ARHGAP20: variants seen among roughly 807,000 people sequenced by gnomAD.
The protein encoded by ARHGAP20 is rho GTPase-activating protein 20.
A neutral mutation model predicts 73.7 loss-of-function variants in ARHGAP20; 34 were observed. The ratio of observed to expected loss-of-function variants is 0.46; its 90% CI spans 0.35 to 0.61. ARHGAP20 has a LOEUF of 0.61. Ranked by LOEUF, ARHGAP20 falls within the 20% of genes least tolerant of loss-of-function variation. ARHGAP20 has a pLI of 0.00. For missense variants in ARHGAP20, 1,314 were observed against 1,420.9 expected, an observed-to-expected ratio of 0.92 and a Z score of 1.21; for synonymous variants, 523 against 518.2, an observed-to-expected ratio of 1.01 and a Z score of -0.13.
intron 12 of ARHGAP20, among the ~76,000 whole-genome samples, chr11:110,585,925 A>T (rs1161620181): frequency 6.6e-6 from 1 of 152,172 alleles, no homozygotes; most frequent in Non-Finnish European, 1.5e-5. Flanking sequence ...TTGTCTGGTT[A>T]AATATTTACA....
At chr11:110,708,215 CCATT>C (rs1950584399) in intron 1 of ARHGAP20, among the ~76,000 whole-genome samples, 2 of 152,028 alleles carry the variant, frequency 1.3e-5, no homozygotes. Flanking sequence ...CACTTTACAT[CCATT>C]AAGATGACTG....
intron 1 of ARHGAP20, chr11:110,711,828 G>A: frequency 2.3e-6 from 3 of 1,312,336 alleles, no homozygotes; most frequent in South Asian, 2.2e-5. Flanking sequence ...CCTAGACTGA[G>A]GGAGGAGCCG....
Position 110,579,124 on chromosome 11 carries a change from C to T in ARHGAP20, c.*246G>A. The T allele has an allele frequency of 1.8e-6, 2 of 1,131,310 alleles. No homozygotes were observed. The highest frequency in any genetic ancestry group is 1.6e-5 in the African/African-American group (1 of 63,394). The allele number at this position is 1,131,310 out of a possible 1,614,324, so 70.1% of individuals were successfully genotyped here. A position where few individuals can be genotyped will look rare whatever the true frequency, so the allele number is the denominator to read the frequency against. ...CCCTCTGTTAGTATCTCTAAAACCA[C>T]ATGACAGGACCAATCCCAACCTTTA... is the stretch of plus-strand genomic sequence containing the variant. On this transcript the variant is annotated 3_prime_UTR_variant, in exon 15 of 15. Coordinates refer to ENST00000683387, the MANE Select transcript of ARHGAP20 (RefSeq NM_001384657.1).
intron 3 of ARHGAP20, among the ~76,000 whole-genome samples, chr11:110,627,183 G>C (rs1253569740): frequency 6.6e-6 from 1 of 152,070 alleles, no homozygotes; most frequent in Non-Finnish European, 1.5e-5. Flanking sequence ...CCACCCCTCA[G>C]GTTCAAGTGA....
Position 110,583,594 on chromosome 11 carries a change from G to C in ARHGAP20, c.1559C>G (p.Pro520Arg). 1 of 1,611,084 alleles carries C rather than the reference G, an allele frequency of 6.2e-7. No individual in the cohort carries two copies. Among genetic ancestry groups the C allele is most frequent in the Non-Finnish European group, 8.5e-7 (1 of 1,178,224 alleles). The change falls in exon 13 of 15, where the codon CCT (proline) becomes CGT (arginine). Residue 520 changes from proline (P) to arginine (R), a missense_variant. Pro to Arg is a moderately radical substitution (Grantham distance 103). Transcript: ENST00000683387. ...TAGTTCTGGGCTGGAGGAAGCAGGAGGCCAAAGAATACTTGGAGCGACACA... is the reference window on the plus strand; with the variant it reads ...TAGTTCTGGGCTGGAGGAAGCAGGACGCCAAAGAATACTTGGAGCGACACA... ...AVCVAPSILW[P>R]PASSSPELEN...
chr11:110,598,863 C>T (rs764638552), intron 9 of ARHGAP20, among the ~76,000 whole-genome samples: 1 of 152,162 alleles, frequency 6.6e-6, no homozygotes, highest in East Asian at 1.9e-4. Context: ...AATCCCTGGG[C>T]TCTCAGGACC....
At chr11:110,651,035 G>C (rs112921783) in intron 2 of ARHGAP20, among the ~76,000 whole-genome samples, 38 of 152,214 alleles carry the variant, frequency 2.5e-4, no homozygotes, top group African/African-American at 8.7e-4. Flanking sequence ...AATCATAACA[G>C]TCTCTCAGAC....
intron 9 of ARHGAP20, among the ~76,000 whole-genome samples, chr11:110,603,157 A>T (rs1179919292): frequency 6.6e-6 from 1 of 152,202 alleles, no homozygotes; most frequent in Non-Finnish European, 1.5e-5. Flanking sequence ...CATGGACTTA[A>T]CTATTGTCAG....
At chr11:110,686,552 T>C (rs1170042835) in intron 2 of ARHGAP20, among the ~76,000 whole-genome samples, 1 of 152,148 alleles carries the variant, frequency 6.6e-6, no homozygotes, top group East Asian at 1.9e-4. Flanking sequence ...AAAACTCTTA[T>C]CTTGTATTCC....
rs989937246 is a variant in ARHGAP20 at position 110,678,836 on chromosome 11, A to AT, written c.188+11710dup. Among the ~76,000 whole-genome samples, 12 of 150,102 alleles carry AT rather than the reference A, an allele frequency of 8.0e-5. 1 individual carries two copies. The highest frequency in any genetic ancestry group is 2.1e-4 in the South Asian group (1 of 4,752). On this transcript the variant is annotated intron_variant, in intron 2 of 14. Coordinates refer to ENST00000683387, the MANE Select transcript of ARHGAP20 (RefSeq NM_001384657.1). ...ACCACCATGCCCAGATAATTTTCAC[A>AT]TTTTTTTTTGTAGAAACAGGGTTTT...
At chr11:110,581,316 T>G in intron 14 of ARHGAP20, 91 bp from the exon 15 acceptor site, 1 of 1,304,012 alleles carries the variant, frequency 7.7e-7, no homozygotes, top group South Asian at 1.6e-5. Flanking sequence ...TCATGTGAAG[T>G]GTTCAAATTC....
intron 4 of ARHGAP20, among the ~76,000 whole-genome samples, chr11:110,616,800 C>A (rs1022290999): frequency 4.0e-5 from 6 of 150,342 alleles, no homozygotes; most frequent in Non-Finnish European, 8.8e-5. Flanking sequence ...TATGTCAAAT[C>A]TTGGATTTAT....
In ARHGAP20 at chr11:110,579,738, G is replaced by C. The variant is rs1274662882; in HGVS notation, c.3208C>G (p.Pro1070Ala). ...EEEKIASPKG[P>A]LEPPPHASGV... ...GAAGCATGTGGGGGTGGCTCTAAGG[G>C]TCCTTTTGGAGAAGCTATTTTCTCT... Residue 1070 changes from proline to alanine, a missense_variant, in exon 15 of 15, where the codon CCC becomes GCC. Pro to Ala is a conservative substitution (Grantham distance 27). Transcript: ENST00000683387. 6.2e-7 allele frequency: 1 copy of C among 1,613,958 alleles called. No homozygotes were observed. The highest frequency in any genetic ancestry group is 1.7e-5 in the Admixed American group (1 of 59,970).
chr11:110,640,589 A>T (rs983428873), intron 2 of ARHGAP20, among the ~76,000 whole-genome samples: 6 of 152,048 alleles, frequency 3.9e-5, no homozygotes, highest in Non-Finnish European at 7.4e-5. Context: ...ATGGGAATCT[A>T]ATCTATGGCA....
At position 110,579,716 on chromosome 11, in the gene ARHGAP20, G is replaced by C. The variant is rs898243809; in HGVS notation, c.3230C>G (p.Ala1077Gly). ...TGAGTTGGCTTCTGGAACACCAGAAGCATGTGGGGGTGGCTCTAAGGGTCC... is the reference window on the plus strand; with the variant it reads ...TGAGTTGGCTTCTGGAACACCAGAACCATGTGGGGGTGGCTCTAAGGGTCC... ...PKGPLEPPPH[A>G]SGVPEANSLQ... The change falls in exon 15 of 15, where the codon GCT becomes GGT. Residue 1077 changes from alanine to glycine, a missense_variant. This residue lies in a region of ARHGAP20 where 641 missense variants were observed against 636.9 expected (regional missense o/e 1.01). Coordinates refer to ENST00000683387, the MANE Select transcript of ARHGAP20 (RefSeq NM_001384657.1). 1 of 1,614,220 alleles carries C rather than the reference G, an allele frequency of 6.2e-7. No individual in the cohort carries two copies. Among genetic ancestry groups the C allele is most frequent in the African/African-American group, 1.3e-5 (1 of 75,074 alleles).
At chr11:110,686,559 T>TAA (rs1343808832) in intron 2 of ARHGAP20, among the ~76,000 whole-genome samples, 1 of 152,146 alleles carries the variant, frequency 6.6e-6, no homozygotes, top group Non-Finnish European at 1.5e-5. Context: ...TTATCTTGTA[T>TAA]TCCTTTTTTA....
chr11:110,615,427 T>G (rs1948462083), intron 5 of ARHGAP20, 126 bp downstream of exon 5: 4 of 791,826 alleles, frequency 5.1e-6, no homozygotes. Flanking sequence ...CGGCAGCTTA[T>G]TTAGAGGTCA....
At chr11:110,695,219 T>C (rs1950313378) in intron 1 of ARHGAP20, among the ~76,000 whole-genome samples, 1 of 151,552 alleles carries the variant, frequency 6.6e-6, no homozygotes, top group Non-Finnish European at 1.5e-5. Flanking sequence ...AAGTACCAGC[T>C]AAAAATTATA....
chr11:110,712,046 G>A (rs1950672801), intron 1 of ARHGAP20, 81 bp downstream of exon 1: 2 of 1,245,718 alleles, frequency 1.6e-6, no homozygotes, highest in Non-Finnish European at 2.0e-6. Context: ...CTAGCGCGCT[G>A]CTGTGGCGGG....
Sources: allele counts gnomAD v4.1 joint callset (sites outside exome capture counted in the v4.1 genomes callset), GRCh38; gene constraint gnomAD v4.1.1; regional missense constraint gnomAD v4.1.1; transcripts MANE v1.5; gene names NCBI Gene and HGNC (gene_info 2026-07-23, HGNC 2026-07-21).